Variants in PNISR observed in about 807,000 individuals in gnomAD.
PNISR encodes arginine/serine-rich protein PNISR.
PNISR carries 20 observed loss-of-function variants against 93.4 expected under a neutral mutation model. The observed-to-expected ratio is 0.21, with a 90% CI of 0.15 to 0.31. The LOEUF (loss-of-function observed/expected upper bound fraction) is 0.31. PNISR is among the 10% of genes least tolerant of loss of function. The pLI is 1.00. For synonymous variants in PNISR, 305 were observed against 306.5 expected (o/e 0.99, Z 0.05); for missense variants, 893 against 985.4 (o/e 0.91, Z 1.25).
At chr6:99,423,399 A>G (rs1233806053) in intron 1 of PNISR, among the ~76,000 whole-genome samples, 1 of 152,240 alleles carries the variant, frequency 6.6e-6, no homozygotes, top group South Asian at 2.1e-4. Flanking sequence ...TAACTGAGGA[A>G]GAGCACAACT....
rs1779350209 is a variant in PNISR at position 99,425,227 on chromosome 6, G to T, written c.-124C>A. ...CTCCATCACTTACCCACTCTAGTTC[G>T]GGAACACCCTTGTCGCCGCCGTTCC... On this transcript the variant is annotated 5_prime_UTR_variant, in exon 1 of 12. Coordinates refer to ENST00000369239, the MANE Select transcript of PNISR (RefSeq NM_032870.4). The T allele has an allele frequency of 2.4e-6, 3 of 1,232,010 alleles. No individual in the cohort carries two copies. Among genetic ancestry groups the T allele is most frequent in the Non-Finnish European group, 3.0e-6 (3 of 987,848 alleles). The allele number at this position is 1,232,010 out of a possible 1,614,324, so 76.3% of individuals were successfully genotyped here. A position where few individuals can be genotyped will look rare whatever the true frequency, so the allele number is the denominator to read the frequency against.
intron 4 of PNISR, 175 bp from the exon 5 acceptor site, chr6:99,411,139 CAT>C (rs1453618526): frequency 1.8e-6 from 1 of 568,658 alleles, no homozygotes; most frequent in Non-Finnish European, 3.1e-6. Flanking sequence ...ACTAAACTGT[CAT>C]ATATAATTCA....
intron 1 of PNISR, among the ~76,000 whole-genome samples, chr6:99,423,680 A>G (rs981926937): frequency 2.0e-5 from 3 of 152,218 alleles, no homozygotes; most frequent in African/African-American, 7.2e-5. Flanking sequence ...AAATTCCAAT[A>G]GCAGGGCACC....
In PNISR at chr6:99,401,268, G is replaced by A; in HGVS notation, c.1690C>T (p.Pro564Ser). 6.2e-7 allele frequency: 1 copy of A among 1,613,838 alleles called. No homozygotes were observed. The highest frequency in any genetic ancestry group is 8.5e-7 in the Non-Finnish European group (1 of 1,179,944). Residue 564 changes from proline to serine, a missense_variant, in exon 12 of 12, where the codon CCA becomes TCA. Coordinates refer to ENST00000369239, the MANE Select transcript of PNISR (RefSeq NM_032870.4). ...RKKRHSRSRS[P>S]TIKARRSRSR... ...CTGCTACGTCTAGCTTTGATTGTTG[G>A]AGATCTACTCCTACTGTGTCTCTTT...
chr6:99,422,871 T>C (rs1300963093), intron 1 of PNISR, among the ~76,000 whole-genome samples: 1 of 57,882 alleles, frequency 1.7e-5, no homozygotes, highest in Non-Finnish European at 3.2e-5. Flanking sequence ...AGTGACACTC[T>C]GTCTCAAAAA....
chr6:99,417,534 T>C (rs1273288377), intron 1 of PNISR, among the ~76,000 whole-genome samples: 1 of 152,186 alleles, frequency 6.6e-6, no homozygotes, highest in African/African-American at 2.4e-5. Flanking sequence ...AAAGGATTAT[T>C]GTGAGGATTA....
chr6:99,408,391 A>G, intron 6 of PNISR, 120 bp from the exon 7 acceptor site: 2 of 665,552 alleles, frequency 3.0e-6, no homozygotes, highest in Non-Finnish European at 2.6e-6. Flanking sequence ...CATCACTTTT[A>G]GTAACAGCAG....
chr6:99,415,423 A>C (rs890231724), intron 2 of PNISR: 2 of 152,202 alleles, frequency 1.3e-5, no homozygotes, highest in African/African-American at 4.8e-5. Flanking sequence ...TTAACATATA[A>C]ATAGCATGGA....
intron 7 of PNISR, among the ~76,000 whole-genome samples, chr6:99,406,582 A>T (rs1211482821): frequency 5.8e-4 from 88 of 152,182 alleles, no homozygotes; most frequent in Non-Finnish European, 4.4e-5. Flanking sequence ...TATATATTTA[A>T]GCTATTTACC....
chr6:99,404,710 A>G lies in PNISR; in HGVS notation c.1003-8T>C. On this transcript the variant is annotated splice_polypyrimidine_tract_variant and splice_region_variant and intron_variant, in intron 8 of 11. Coordinates refer to ENST00000369239, the MANE Select transcript of PNISR (RefSeq NM_032870.4). ...CATTTTTGTCAGCAACATCTAAAAA[A>G]GAGCATTTTATACAGTATTTCTAAT... 7.2e-7 allele frequency: 1 copy of G among 1,384,732 alleles called. No homozygotes were observed. The highest frequency in any genetic ancestry group is 1.0e-6 in the Non-Finnish European group (1 of 971,984). The allele number at this position is 1,384,732 out of a possible 1,614,324, so 85.8% of individuals were successfully genotyped here. A position where few individuals can be genotyped will look rare whatever the true frequency, so the allele number is the denominator to read the frequency against.
intron 1 of PNISR, among the ~76,000 whole-genome samples, chr6:99,417,172 C>CTA (rs1289507575): frequency 1.3e-5 from 2 of 152,296 alleles, no homozygotes; most frequent in Admixed American, 6.5e-5. Context: ...ATCAACAGCT[C>CTA]TATAAAGTGC....
rs1779368840 is a variant in PNISR, at chr6:99,425,303, C to G, written c.-200G>C. ...TGCTTCTACTTCTTCGGGAACAAGACAAGATGGCGCCCGATTTGTCTCACC... is the reference window on the plus strand; with the variant it reads ...TGCTTCTACTTCTTCGGGAACAAGAGAAGATGGCGCCCGATTTGTCTCACC... On this transcript the variant is annotated 5_prime_UTR_variant, in exon 1 of 12. Transcript: ENST00000369239. 5.7e-6 allele frequency: 7 copies of G among 1,231,958 alleles called. No individual in the cohort carries two copies. The highest frequency in any genetic ancestry group is 3.2e-5 in the East Asian group (1 of 31,718). The allele number at this position is 1,231,958 out of a possible 1,614,324, so 76.3% of individuals were successfully genotyped here.
chr6:99,408,310 TA>T, intron 6 of PNISR, 39 bp from the exon 7 acceptor site: 1 of 1,385,390 alleles, frequency 7.2e-7, no homozygotes, highest in East Asian at 2.3e-5. Flanking sequence ...GTCAGTTAAG[TA>T]AAATATTTCT....
Position 99,401,383 on chromosome 6 carries a change from A to T in PNISR, c.1575T>A (p.Ser525Arg). 2 of 1,600,538 alleles carry T rather than the reference A, an allele frequency of 1.2e-6. No homozygotes were observed. Among genetic ancestry groups the T allele is most frequent in the Non-Finnish European group, 1.7e-6 (2 of 1,167,814 alleles). ...SGSSSSNSRTSSTSSTVSSSS... is the reference protein window; with the variant it reads ...SGSSSSNSRTRSTSSTVSSSS... ...AGCTAGAGACAGTACTACTAGTACT[A>T]CTAGTTCTGCTATTGCTACTGGAAC... is the stretch of plus-strand genomic sequence containing the variant. Residue 525 changes from serine (S) to arginine (R), a missense_variant, in exon 12 of 12, where the codon AGT (serine) becomes AGA (arginine). Ser to Arg is a moderately radical substitution (Grantham distance 110). Coordinates refer to ENST00000369239, the MANE Select transcript of PNISR (RefSeq NM_032870.4).
chr6:99,414,243 T>C (rs574013296), intron 3 of PNISR, among the ~76,000 whole-genome samples: 1 of 152,346 alleles, frequency 6.6e-6, no homozygotes, highest in South Asian at 2.1e-4. Context: ...TTCAATATAA[T>C]ATACAACTTT....
chr6:99,424,854 G>C, intron 1 of PNISR: 1 of 189,132 alleles, frequency 5.3e-6, no homozygotes, highest in Non-Finnish European at 1.1e-5. Flanking sequence ...TCCAGGTCGC[G>C]AGCCCCCGCC....
At chr6:99,412,092 GAA>G (rs919861005) in intron 4 of PNISR, 182 of 271,274 alleles carry the variant, frequency 6.7e-4, no homozygotes, top group South Asian at 9.7e-4. Flanking sequence ...TTCACTATCT[GAA>G]AAAAAAAAAG....
chr6:99,405,863 T>C (rs1356886587), intron 8 of PNISR, among the ~76,000 whole-genome samples, 168 bp downstream of exon 8: 1 of 152,182 alleles, frequency 6.6e-6, no homozygotes, highest in African/African-American at 2.4e-5. Flanking sequence ...TTTAAAAAAG[T>C]CCCTATTAAT....
intron 7 of PNISR, 73 bp from the exon 8 acceptor site, chr6:99,406,241 T>C: frequency 1.1e-6 from 1 of 911,190 alleles, no homozygotes; most frequent in East Asian, 2.8e-5. Context: ...ATACAGAAAA[T>C]CTTAAACCCC....
Sources: gnomAD v4.1 joint callset for allele counts (sites outside exome capture counted in the v4.1 genomes callset) on GRCh38, gnomAD v4.1.1 for gene constraint, MANE v1.5 for transcripts, NCBI Gene and HGNC (gene_info 2026-07-23, HGNC 2026-07-21) for gene names.